EHBP1: variants seen among roughly 807,000 people sequenced by gnomAD.
EHBP1 encodes EH domain-binding protein 1.
A neutral mutation model predicts 144.0 loss-of-function variants in EHBP1; 55 were observed. The observed-to-expected ratio is 0.38, with a 90% CI of 0.31 to 0.48. The LOEUF (loss-of-function observed/expected upper bound fraction) is 0.48. Ranked by LOEUF, EHBP1 falls within the 20% of genes least tolerant of loss-of-function variation. EHBP1 has a pLI of 0.98. For missense variants in EHBP1, 1,200 were observed against 1,364.2 expected, an observed-to-expected ratio of 0.88 and a Z score of 1.90; for synonymous variants, 469 against 472.7, an observed-to-expected ratio of 0.99 and a Z score of 0.10.
chr2:62,984,345 G>C (rs1167839930), intron 15 of EHBP1, among the ~76,000 whole-genome samples: 2 of 152,144 alleles, frequency 1.3e-5, no homozygotes, highest in Non-Finnish European at 2.9e-5. Context: ...GTGCTGTGCA[G>C]TGTCAACTGG....
intron 10 of EHBP1, among the ~76,000 whole-genome samples, chr2:62,900,941 T>C (rs1436340263): frequency 1.3e-5 from 2 of 152,188 alleles, no homozygotes; most frequent in African/African-American, 4.8e-5. Flanking sequence ...TTTGAGTTTA[T>C]ATGGTAAGTA....
chr2:62,932,217 A>G (rs1230377379), intron 10 of EHBP1, among the ~76,000 whole-genome samples: 1 of 151,888 alleles, frequency 6.6e-6, no homozygotes, highest in Non-Finnish European at 1.5e-5. Context: ...AGAAGAGAAG[A>G]CTACTCTGTA....
intron 2 of EHBP1, among the ~76,000 whole-genome samples, chr2:62,723,389 T>C (rs991997040): frequency 5.3e-5 from 8 of 152,068 alleles, no homozygotes; most frequent in African/African-American, 1.9e-4. Flanking sequence ...GCATGTGAGG[T>C]GGGTCTCTTG....
chr2:62,685,023 G>A (rs537122760), intron 1 of EHBP1, among the ~76,000 whole-genome samples: 1 of 151,616 alleles, frequency 6.6e-6, no homozygotes, highest in South Asian at 2.1e-4. Context: ...GGGGTGCTAG[G>A]GGGAATGGGG....
At chr2:62,940,138 T>C in intron 10 of EHBP1, 1 of 410,700 alleles carries the variant, frequency 2.4e-6, no homozygotes, top group Non-Finnish European at 4.8e-6. Flanking sequence ...AAAACGCCTG[T>C]GGTAAAGGTT....
intron 15 of EHBP1, among the ~76,000 whole-genome samples, chr2:62,981,229 A>G (rs946684597): frequency 2.6e-5 from 4 of 152,142 alleles, no homozygotes; most frequent in Admixed American, 2.0e-4. Context: ...TACTATGACA[A>G]TTTGCTGTCA....
intron 3 of EHBP1, among the ~76,000 whole-genome samples, chr2:62,755,857 CAATT>C (rs1002704066): frequency 2.6e-5 from 4 of 151,814 alleles, no homozygotes; most frequent in Non-Finnish European, 5.9e-5. Flanking sequence ...CAACAAAAAA[CAATT>C]TATCTCTTTT....
At chr2:62,770,254 T>C (rs1005006394) in intron 4 of EHBP1, among the ~76,000 whole-genome samples, 1 of 152,154 alleles carries the variant, frequency 6.6e-6, no homozygotes, top group Non-Finnish European at 1.5e-5. Context: ...GAGAAAATAT[T>C]TGCAAACTGT....
intron 6 of EHBP1, among the ~76,000 whole-genome samples, chr2:62,828,166 A>T (rs71422362): frequency 1.2e-3 from 180 of 152,364 alleles, no homozygotes; most frequent in Non-Finnish European, 2.0e-3. Flanking sequence ...TTTTAAAACC[A>T]GTTTAGTCTG....
intron 14 of EHBP1, among the ~76,000 whole-genome samples, chr2:62,974,891 T>C (rs1162767114): frequency 1.3e-5 from 2 of 152,138 alleles, no homozygotes; most frequent in Non-Finnish European, 2.9e-5. Flanking sequence ...TTATTATTGC[T>C]GTGTAAGAGG....
At chr2:62,984,837 A>C (rs1034584368) in intron 15 of EHBP1, among the ~76,000 whole-genome samples, 1 of 152,166 alleles carries the variant, frequency 6.6e-6, no homozygotes, top group Non-Finnish European at 1.5e-5. Flanking sequence ...TGTAAATGGC[A>C]CCTGTTTAAC....
At chr2:62,907,202 A>G in intron 10 of EHBP1, among the ~76,000 whole-genome samples, 1 of 152,236 alleles carries the variant, frequency 6.6e-6, no homozygotes, top group East Asian at 1.9e-4. Context: ...GTGTTCTAAG[A>G]AACTGCCAAA....
chr2:62,693,963 C>T (rs2033995625), intron 1 of EHBP1, among the ~76,000 whole-genome samples: 1 of 151,972 alleles, frequency 6.6e-6, no homozygotes, highest in South Asian at 2.1e-4. Flanking sequence ...TCTTTTGTTG[C>T]TCTTGCTTTT....
chr2:62,983,834 G>A (rs1446171087), intron 15 of EHBP1, among the ~76,000 whole-genome samples: 5 of 152,184 alleles, frequency 3.3e-5, no homozygotes, highest in Admixed American at 6.5e-5. Flanking sequence ...GAGCCACTGC[G>A]CCCGGCCTTT....
intron 10 of EHBP1, 140 bp downstream of exon 10, chr2:62,874,672 A>G: frequency 4.5e-6 from 3 of 668,154 alleles, no homozygotes; most frequent in Admixed American, 3.2e-5. Context: ...TTGTACTGCA[A>G]CACTGCATTT....
chr2:62,949,622 T>C (rs958558501), intron 13 of EHBP1, among the ~76,000 whole-genome samples: 2 of 152,210 alleles, frequency 1.3e-5, no homozygotes, highest in African/African-American at 2.4e-5. Flanking sequence ...ATATTCCATT[T>C]AATAAGAACA....
intron 1 of EHBP1, among the ~76,000 whole-genome samples, chr2:62,690,771 G>C (rs1199511249): frequency 6.6e-6 from 1 of 152,064 alleles, no homozygotes; most frequent in Non-Finnish European, 1.5e-5. Flanking sequence ...AGGAAACTGA[G>C]ACAGAATGAA....
At chr2:62,698,257 T>G (rs1466391979) in intron 1 of EHBP1, among the ~76,000 whole-genome samples, 10 of 152,248 alleles carry the variant, frequency 6.6e-5, no homozygotes, top group African/African-American at 2.4e-4. Context: ...TATGCTCTTT[T>G]TAGCATGTGT....
chr2:62,869,482 A>G (rs1279181453), intron 9 of EHBP1, among the ~76,000 whole-genome samples: 2 of 152,254 alleles, frequency 1.3e-5, no homozygotes, highest in Non-Finnish European at 2.9e-5. Context: ...AACTGTTGGT[A>G]AATTGCAAGA....
Sources: gnomAD v4.1 joint callset for allele counts (sites outside exome capture counted in the v4.1 genomes callset) on GRCh38, gnomAD v4.1.1 for gene constraint, MANE v1.5 for transcripts, NCBI Gene and HGNC (gene_info 2026-07-23, HGNC 2026-07-21) for gene names.